Variants in TMEM132B observed in about 807,000 individuals in gnomAD.
TMEM132B encodes transmembrane protein 132B.
Under a neutral mutation model 90.8 loss-of-function variants are expected in TMEM132B, and 18 were observed. That is an observed-to-expected ratio of 0.20 (90% CI 0.14 to 0.29). The LOEUF (loss-of-function observed/expected upper bound fraction) is 0.29, where lower values mean the gene tolerates loss of function less well. TMEM132B is among the 10% of genes least tolerant of loss of function. The probability of loss-of-function intolerance (pLI) is 1.00; values close to 1 mark genes in which losing one functional copy is unlikely to be tolerated. For synonymous variants in TMEM132B, 504 were observed against 523.3 expected, an observed-to-expected ratio of 0.96 and a Z score of 0.50; for missense variants, 1,096 against 1,326.8, an observed-to-expected ratio of 0.83 and a Z score of 2.70.
chr12:125,607,811 C>T (rs1235225458), intron 5 of TMEM132B, among the ~76,000 whole-genome samples: 1 of 152,148 alleles, frequency 6.6e-6, no homozygotes, highest in Non-Finnish European at 1.5e-5. Flanking sequence ...TTTTGAGCTC[C>T]ATTTATTTGT....
At chr12:125,353,379 A>G (rs942813725) in intron 2 of TMEM132B, among the ~76,000 whole-genome samples, 3 of 152,190 alleles carry the variant, frequency 2.0e-5, no homozygotes, top group Admixed American at 6.5e-5. Flanking sequence ...TACTCCTGAT[A>G]TAGAGATAAT....
At chr12:125,483,573 C>A (rs936648153) in intron 3 of TMEM132B, among the ~76,000 whole-genome samples, 1 of 152,112 alleles carries the variant, frequency 6.6e-6, no homozygotes, top group Non-Finnish European at 1.5e-5. Flanking sequence ...ATGGGGTGAA[C>A]TTTTTGTCTT....
At chr12:125,433,340 G>A (rs1408912904) in intron 3 of TMEM132B, among the ~76,000 whole-genome samples, 1 of 151,994 alleles carries the variant, frequency 6.6e-6, no homozygotes, top group Non-Finnish European at 1.5e-5. Context: ...TTAAGAAGGA[G>A]GTGTCCCCCG....
chr12:125,191,420 C>G (rs2136048951), intron 1 of TMEM132B, among the ~76,000 whole-genome samples: 1 of 152,216 alleles, frequency 6.6e-6, no homozygotes, highest in South Asian at 2.1e-4. Flanking sequence ...AGTAACTTGG[C>G]TGAGGTCACA....
chr12:125,201,943 G>A (rs530063073), intron 1 of TMEM132B, among the ~76,000 whole-genome samples: 2 of 152,328 alleles, frequency 1.3e-5, no homozygotes, highest in South Asian at 4.2e-4. Context: ...TCTGTCATAT[G>A]ATAGAGCTTG....
intron 3 of TMEM132B, among the ~76,000 whole-genome samples, chr12:125,422,610 G>A (rs553666859): frequency 3.0e-4 from 45 of 152,352 alleles, no homozygotes; most frequent in Non-Finnish European, 5.4e-4. Flanking sequence ...AGGTCATTAA[G>A]TTAAGGATCT....
intron 3 of TMEM132B, among the ~76,000 whole-genome samples, chr12:125,518,058 A>G (rs1442383212): frequency 1.3e-5 from 2 of 152,214 alleles, no homozygotes; most frequent in Non-Finnish European, 2.9e-5. Context: ...CTAAATAGGA[A>G]AAAGGTTGCC....
rs1383144351 is a variant in TMEM132B at position 125,456,527 on chromosome 12, C to G, written c.1106+40850C>G. On this transcript the variant is annotated intron_variant, in intron 3 of 8. Transcript: ENST00000682704. ...CTAGGGGGCTCATCCTGCCTCCACC[C>G]TCTGTGGGGCTTTGCCTGCTGAGGA... Among the ~76,000 whole-genome samples, 7 of 152,236 alleles carry G rather than the reference C, an allele frequency of 4.6e-5. 1 individual carries two copies. The East Asian group carries it at 1.3e-3, about 29-fold the overall frequency.
intron 5 of TMEM132B, among the ~76,000 whole-genome samples, chr12:125,616,162 C>A (rs10466870): frequency 0.47 from 68,877 of 147,262 alleles, 16,204 homozygotes; most frequent in Admixed American, 0.56. Flanking sequence ...TTGTTCAATT[C>A]CCACCTATGA....
At chr12:125,247,278 G>T (rs1874226378) in intron 1 of TMEM132B, among the ~76,000 whole-genome samples, 1 of 152,156 alleles carries the variant, frequency 6.6e-6, no homozygotes, top group Non-Finnish European at 1.5e-5. Flanking sequence ...GGCTGAAAAA[G>T]CTCCATTCTG....
At chr12:125,435,419 G>A (rs1181123109) in intron 3 of TMEM132B, among the ~76,000 whole-genome samples, 3 of 151,910 alleles carry the variant, frequency 2.0e-5, no homozygotes, top group Non-Finnish European at 4.4e-5. Context: ...GGGCTGGGAC[G>A]GCCCCCAAGT....
chr12:125,414,862 C>T (rs405056), intron 2 of TMEM132B, among the ~76,000 whole-genome samples: 2 of 152,056 alleles, frequency 1.3e-5, no homozygotes, highest in Middle Eastern at 3.2e-3. Context: ...AGGATCATTT[C>T]AGGAGCAGTG....
At chr12:125,261,901 GCTCACTGCATCCTCGAC>G (rs1874575724) in intron 1 of TMEM132B, among the ~76,000 whole-genome samples, 1 of 152,124 alleles carries the variant, frequency 6.6e-6, no homozygotes, top group Admixed American at 6.5e-5. Flanking sequence ...TGAAATCATA[GCTCACTGCATCCTCGAC>G]CTCCTGGGCT....
rs1957762389 is a variant in TMEM132B at position 125,186,707 on chromosome 12, G to A, written c.-93G>A. The A allele has an allele frequency of 6.8e-6, 1 of 146,652 alleles. No individual in the cohort carries two copies. Among genetic ancestry groups the A allele is most frequent in the South Asian group, 2.1e-4 (1 of 4,828 alleles). The allele number at this position is 146,652 out of a possible 1,614,324, so 9.1% of individuals were successfully genotyped here. ...GGAGCGAGCCATGCCCGGCGCCCGG[G>A]CGTAGCCGCCGGGGGCTGCTCCGGG... is the stretch of plus-strand genomic sequence containing the variant. On this transcript the variant is annotated 5_prime_UTR_variant, in exon 1 of 9. Coordinates refer to ENST00000682704, the MANE Select transcript of TMEM132B (RefSeq NM_001366854.1). This position sits in a 1 kb window ranked among gnomAD's most constrained non-coding sequence, Gnocchi z 6.3.
intron 1 of TMEM132B, among the ~76,000 whole-genome samples, chr12:125,269,184 T>G (rs1456701264): frequency 6.6e-6 from 1 of 152,218 alleles, no homozygotes; most frequent in African/African-American, 2.4e-5. Context: ...CTGGGCTGGT[T>G]TCCCTTAGGT....
At chr12:125,589,973 G>A (rs1204123830) in intron 5 of TMEM132B, among the ~76,000 whole-genome samples, 1 of 152,138 alleles carries the variant, frequency 6.6e-6, no homozygotes, top group Non-Finnish European at 1.5e-5. Flanking sequence ...AGGTGTTTGG[G>A]TCATAGGTGC....
At chr12:125,235,408 C>T (rs757119205) in intron 1 of TMEM132B, among the ~76,000 whole-genome samples, 4 of 152,042 alleles carry the variant, frequency 2.6e-5, no homozygotes, top group African/African-American at 4.8e-5. Flanking sequence ...GCTGATTATC[C>T]ACCTGTGGGC....
intron 1 of TMEM132B, among the ~76,000 whole-genome samples, chr12:125,340,518 C>T (rs1173079079): frequency 6.6e-6 from 1 of 152,048 alleles, no homozygotes; most frequent in Non-Finnish European, 1.5e-5. Flanking sequence ...AGGACTTTCT[C>T]AGCATAACAT....
intron 5 of TMEM132B, among the ~76,000 whole-genome samples, chr12:125,633,948 C>A (rs1886423054): frequency 6.6e-6 from 1 of 152,178 alleles, no homozygotes; most frequent in African/African-American, 2.4e-5. Context: ...TATGTTTGCT[C>A]AAGGCCCTGG....
Sources: gnomAD v4.1 joint callset for allele counts (sites outside exome capture counted in the v4.1 genomes callset) on GRCh38, gnomAD v4.1.1 for gene constraint, Gnocchi (gnomAD v3.1) non-coding constraint, MANE v1.5 for transcripts, NCBI Gene and HGNC (gene_info 2026-07-23, HGNC 2026-07-21) for gene names.